SLC6A11: variants seen among roughly 807,000 people sequenced by gnomAD.
SLC6A11 encodes the protein solute carrier family 6 member 11.
In SLC6A11, 25 loss-of-function variants were observed where a neutral mutation model predicts 74.8. The observed-to-expected ratio is 0.33, with a 90% confidence interval of 0.24 to 0.47. The LOEUF is 0.47. SLC6A11 is among the 20% of genes least tolerant of loss of function. SLC6A11 has a pLI of 1.00. For missense variants in SLC6A11, 574 were observed against 837.0 expected (o/e 0.69, Z 3.88); for synonymous variants, 330 against 330.2 (o/e 1.00, Z 0.01).
Position 10,918,589 on chromosome 3 carries a change from C to T in SLC6A11, c.1120+136C>T. On this transcript the variant is annotated intron_variant, in intron 8 of 13. Coordinates refer to ENST00000254488, the MANE Select transcript of SLC6A11 (RefSeq NM_014229.3). The surrounding 1 kb of genome is among the most constrained non-coding windows in gnomAD (Gnocchi z 4.5). Reference sequence around the variant, plus strand: ...CTCAGAAAGGGGCCCCACCATTCATCCACAATCCAGGATCCTGGGAATTAC... The same window carrying T: ...CTCAGAAAGGGGCCCCACCATTCATTCACAATCCAGGATCCTGGGAATTAC... The T allele has an allele frequency of 1.1e-6, 1 of 929,794 alleles. No homozygotes were observed. Among genetic ancestry groups the T allele is most frequent in the Non-Finnish European group, 1.5e-6 (1 of 649,722 alleles). 57.6% of individuals were successfully genotyped at this position (929,794 alleles called of 1,614,324 possible).
Position 10,848,196 on chromosome 3 carries a change from C to A in SLC6A11, c.756+3850C>A, listed in dbSNP as rs1172775945. Among the ~76,000 whole-genome samples, 3 of 152,236 alleles carry A rather than the reference C, an allele frequency of 2.0e-5. No homozygotes were observed. The East Asian group carries it at 5.8e-4, about 29-fold the overall frequency. On this transcript the variant is annotated intron_variant, in intron 5 of 13. Transcript: ENST00000254488. Reference sequence around the variant, plus strand: ...TTTCACCTGTTCAGGGAGGCAGACACTGTAGACCTGGCCTTTCATCAGTAG... The same window carrying A: ...TTTCACCTGTTCAGGGAGGCAGACAATGTAGACCTGGCCTTTCATCAGTAG...
intron 4 of SLC6A11, among the ~76,000 whole-genome samples, chr3:10,840,367 A>T (rs570034240): frequency 1.3e-5 from 2 of 151,458 alleles, no homozygotes; most frequent in South Asian, 4.2e-4. Context: ...CCAACCCCAC[A>T]CTCTGATACT....
intron 6 of SLC6A11, among the ~76,000 whole-genome samples, chr3:10,910,923 G>A (rs1695377549): frequency 6.7e-6 from 1 of 148,364 alleles, no homozygotes; most frequent in South Asian, 2.1e-4. Flanking sequence ...CCCAGTTCAA[G>A]CAATTCTCGT....
At position 10,935,027 on chromosome 3, in the gene SLC6A11, A is replaced by G; in HGVS notation, c.1576-2A>G. 6.2e-7 allele frequency: 1 copy of G among 1,612,980 alleles called. No individual in the cohort carries two copies. Among genetic ancestry groups the G allele is most frequent in the Non-Finnish European group, 8.5e-7 (1 of 1,179,358 alleles). The stretch of plus-strand genomic sequence containing the variant: ...CAGGCACCTGCCCCCATCTCTCTGC[A>G]GGGGATCTTCATCTTCTTCTTGATC... On this transcript the variant is annotated splice_acceptor_variant, in intron 12 of 13. Transcript: ENST00000254488. LOFTEE classifies it high-confidence loss of function.
At chr3:10,869,543 G>A (rs940531723) in intron 5 of SLC6A11, among the ~76,000 whole-genome samples, 3 of 152,236 alleles carry the variant, frequency 2.0e-5, no homozygotes, top group African/African-American at 7.2e-5. Flanking sequence ...TGTGGACAAA[G>A]AGAGACTGAG....
intron 5 of SLC6A11, among the ~76,000 whole-genome samples, chr3:10,873,077 A>G (rs1034988814): frequency 6.6e-6 from 1 of 152,162 alleles, no homozygotes; most frequent in African/African-American, 2.4e-5. Context: ...CAGGGACCTC[A>G]GTTAAGGGGT....
intron 6 of SLC6A11, among the ~76,000 whole-genome samples, chr3:10,910,244 A>G (rs747250902): frequency 1.3e-5 from 2 of 152,212 alleles, no homozygotes; most frequent in African/African-American, 2.4e-5. Context: ...TTGTTGAATG[A>G]CTTAACACAG....
intron 6 of SLC6A11, among the ~76,000 whole-genome samples, chr3:10,909,676 A>G (rs1695359527): frequency 6.6e-6 from 1 of 152,234 alleles, no homozygotes; most frequent in African/African-American, 2.4e-5. Context: ...GGCACTGAGT[A>G]GCTCTAAGTT....
rs1694107706 is a variant in SLC6A11, at chr3:10,819,448, C to G, written c.257-17C>G. 5.6e-6 allele frequency: 9 copies of G among 1,600,080 alleles called. No individual in the cohort carries two copies. The highest frequency in any genetic ancestry group is 7.7e-6 in the Non-Finnish European group (9 of 1,175,816). On this transcript the variant is annotated splice_polypyrimidine_tract_variant and intron_variant, in intron 1 of 13. Coordinates refer to ENST00000254488, the MANE Select transcript of SLC6A11 (RefSeq NM_014229.3). ...CGGCAGGGACAGTTTTCATTTCATT[C>G]CTTTGCATCCTTACAGGGGCATTCC...
At position 10,863,875 on chromosome 3, in the gene SLC6A11, G is replaced by A. The variant is rs117322486; in HGVS notation, c.757-11086G>A. Among the ~76,000 whole-genome samples, 49 of 152,216 alleles carry A rather than the reference G, an allele frequency of 3.2e-4. No individual in the cohort carries two copies. The East Asian group carries it at 8.3e-3, about 26-fold the overall frequency. On this transcript the variant is annotated intron_variant, in intron 5 of 13. Coordinates refer to ENST00000254488, the MANE Select transcript of SLC6A11 (RefSeq NM_014229.3). ...ACTCAAACTCCCGAGGGGTCCGTTC[G>A]GGGCTTCGGAGTTGAATGGCTCTGA...
intron 4 of SLC6A11, chr3:10,824,577 C>A (rs1031496485): frequency 6.6e-6 from 1 of 152,166 alleles, no homozygotes; most frequent in African/African-American, 2.4e-5. Flanking sequence ...GTGATACTGG[C>A]ATCCATTATT....
intron 4 of SLC6A11, among the ~76,000 whole-genome samples, chr3:10,843,583 A>G (rs1272070696): frequency 6.6e-6 from 1 of 152,188 alleles, no homozygotes; most frequent in Non-Finnish European, 1.5e-5. Context: ...TGCTGCAGTA[A>G]TAAATGTCCC....
At chr3:10,934,758 T>C (rs1027859634) in intron 12 of SLC6A11, among the ~76,000 whole-genome samples, 1 of 152,172 alleles carries the variant, frequency 6.6e-6, no homozygotes, top group Non-Finnish European at 1.5e-5. Flanking sequence ...AAGAGGCTCC[T>C]GGGGGTGGGG....
intron 9 of SLC6A11, among the ~76,000 whole-genome samples, chr3:10,928,959 T>C (rs184965171): frequency 1.3e-5 from 2 of 152,344 alleles, no homozygotes; most frequent in East Asian, 3.9e-4. Flanking sequence ...TGCCACGTCC[T>C]TGCTGAATAA....
At chr3:10,902,066 G>T (rs1017770306) in intron 6 of SLC6A11, among the ~76,000 whole-genome samples, 3 of 144,160 alleles carry the variant, frequency 2.1e-5, no homozygotes, top group Non-Finnish European at 4.5e-5. Context: ...GTGTGTGCGT[G>T]TGTCTGTGTG....
intron 6 of SLC6A11, among the ~76,000 whole-genome samples, chr3:10,901,976 A>C (rs993191326): frequency 6.6e-6 from 1 of 152,274 alleles, no homozygotes; most frequent in African/African-American, 2.4e-5. Context: ...GGCAAAAAGA[A>C]AGAGCTTAAT....
At chr3:10,923,396 G>A (rs1695561811) in intron 8 of SLC6A11, among the ~76,000 whole-genome samples, 1 of 152,056 alleles carries the variant, frequency 6.6e-6, no homozygotes, top group South Asian at 2.1e-4. Context: ...AAAAGCCATG[G>A]AAATCAACCT....
At chr3:10,866,512 G>C (rs1289673469) in intron 5 of SLC6A11, among the ~76,000 whole-genome samples, 3 of 152,146 alleles carry the variant, frequency 2.0e-5, no homozygotes, top group Admixed American at 2.0e-4. Context: ...TCTCAACCCA[G>C]CCCAGGGATA....
In SLC6A11 at chr3:10,935,087, C is replaced by T. The variant is rs754812083; in HGVS notation, c.1634C>T (p.Thr545Ile). 5 of 1,614,142 alleles carry T rather than the reference C, an allele frequency of 3.1e-6. No individual in the cohort carries two copies. In the East Asian group the frequency reaches 1.1e-4, roughly 36 times the overall value. ...YKPLKYNNIY[T>I]YPAWGYGIGW... The stretch of plus-strand genomic sequence containing the variant: ...CCACTCAAGTACAACAACATCTACA[C>T]CTACCCAGCCTGGGGCTATGGCATT... Residue 545 changes from threonine to isoleucine, a missense_variant, in exon 13 of 14, where the codon ACC becomes ATC. Coordinates refer to ENST00000254488, the MANE Select transcript of SLC6A11 (RefSeq NM_014229.3).
Sources: allele counts gnomAD v4.1 joint callset (sites outside exome capture counted in the v4.1 genomes callset), GRCh38; gene constraint gnomAD v4.1.1; non-coding constraint Gnocchi (gnomAD v3.1); transcripts MANE v1.5; gene names NCBI Gene and HGNC (gene_info 2026-07-23, HGNC 2026-07-21).